PHKB: variants seen among roughly 807,000 people sequenced by gnomAD.
PHKB encodes phosphorylase kinase regulatory subunit beta.
In PHKB, 122 loss-of-function variants were observed where a neutral mutation model predicts 152.1. The ratio of observed to expected loss-of-function variants is 0.80; its 90% CI spans 0.69 to 0.93. The LOEUF (loss-of-function observed/expected upper bound fraction) is 0.93, where lower values mean the gene tolerates loss of function less well. Ranked by LOEUF, PHKB falls within the 40% of genes least tolerant of loss-of-function variation. The probability of loss-of-function intolerance (pLI) is 0.00; values close to 1 mark genes in which losing one functional copy is unlikely to be tolerated. For missense variants in PHKB, 1,304 were observed against 1,328.4 expected, an observed-to-expected ratio of 0.98 and a Z score of 0.29; for synonymous variants, 436 against 464.9, an observed-to-expected ratio of 0.94 and a Z score of 0.80.
At chr16:47,521,565 G>T (rs1362605271) in intron 6 of PHKB, among the ~76,000 whole-genome samples, 2 of 151,984 alleles carry the variant, frequency 1.3e-5, no homozygotes, top group Non-Finnish European at 2.9e-5. Flanking sequence ...TGAAACAGGA[G>T]AATTGCTTGA....
At chr16:47,472,407 T>C (rs1969785633) in intron 1 of PHKB, among the ~76,000 whole-genome samples, 1 of 152,192 alleles carries the variant, frequency 6.6e-6, no homozygotes, top group Non-Finnish European at 1.5e-5. Flanking sequence ...ATCCTAGCAC[T>C]TCAAAAGGCC....
chr16:47,665,150 T>TCGA, intron 25 of PHKB, 175 bp downstream of exon 25: 1 of 613,304 alleles, frequency 1.6e-6, no homozygotes, highest in Non-Finnish European at 2.9e-6. Context: ...CTTTTAGTCA[T>TCGA]CTATGTTGAA....
intron 2 of PHKB, among the ~76,000 whole-genome samples, chr16:47,497,883 A>T (rs929540301): frequency 2.0e-5 from 3 of 152,220 alleles, no homozygotes; most frequent in Non-Finnish European, 4.4e-5. Flanking sequence ...ATTCATTGAG[A>T]TACAAGAGAT....
chr16:47,522,961 A>ATTTT (rs375826369), intron 6 of PHKB, among the ~76,000 whole-genome samples: 4 of 122,474 alleles, frequency 3.3e-5, no homozygotes, highest in Admixed American at 1.6e-4. Context: ...TTTCAAGTCA[A>ATTTT]TTTTTTTTTT....
In PHKB at chr16:47,622,579, G is replaced by C. The variant is rs143964879; in HGVS notation, c.1458+11659G>C. Reference sequence around the variant, plus strand: ...TATGATAGAGCAGATCATGTGTATTGACACACCCTTGAGAGAATTCAGTTT... The same window carrying C: ...TATGATAGAGCAGATCATGTGTATTCACACACCCTTGAGAGAATTCAGTTT... On this transcript the variant is annotated intron_variant, in intron 14 of 30. Coordinates refer to ENST00000323584, the MANE Select transcript of PHKB (RefSeq NM_000293.3). Among the ~76,000 whole-genome samples the C allele has an allele frequency of 1.1e-4, 16 of 152,264 alleles. No individual in the cohort carries two copies. The East Asian group carries it at 3.1e-3, about 29-fold the overall frequency.
At chr16:47,679,240 C>G (rs1973799362) in intron 26 of PHKB, among the ~76,000 whole-genome samples, 1 of 152,154 alleles carries the variant, frequency 6.6e-6, no homozygotes, top group Non-Finnish European at 1.5e-5. Flanking sequence ...TTAGGATTGA[C>G]TTGGCGATGC....
At chr16:47,622,128 A>G (rs1972627931) in intron 14 of PHKB, among the ~76,000 whole-genome samples, 1 of 152,214 alleles carries the variant, frequency 6.6e-6, no homozygotes, top group Non-Finnish European at 1.5e-5. Context: ...ATAAAGATAT[A>G]CAAGGATTAT....
chr16:47,661,004 C>G (rs894464379), intron 22 of PHKB, among the ~76,000 whole-genome samples, 185 bp downstream of exon 22: 6 of 152,180 alleles, frequency 3.9e-5, no homozygotes, highest in African/African-American at 1.4e-4. Context: ...GCATGGATAT[C>G]TTTAAAAATG....
intron 1 of PHKB, among the ~76,000 whole-genome samples, chr16:47,467,719 T>C (rs1468174257): frequency 6.6e-6 from 1 of 152,242 alleles, no homozygotes; most frequent in Non-Finnish European, 1.5e-5. Flanking sequence ...AAAATGATGC[T>C]TCACATTTCA....
intron 1 of PHKB, among the ~76,000 whole-genome samples, chr16:47,490,658 G>A (rs956278058): frequency 1.3e-5 from 2 of 152,086 alleles, no homozygotes; most frequent in Non-Finnish European, 2.9e-5. Flanking sequence ...TATGTTAGAG[G>A]ATTAACACAC....
At chr16:47,689,760 G>A (rs1211747494) in intron 27 of PHKB, among the ~76,000 whole-genome samples, 1 of 152,172 alleles carries the variant, frequency 6.6e-6, no homozygotes, top group African/African-American at 2.4e-5. Flanking sequence ...TACCAAAGTG[G>A]TATAGTTATA....
chr16:47,498,352 C>A (rs1970268094), intron 2 of PHKB, among the ~76,000 whole-genome samples: 1 of 152,040 alleles, frequency 6.6e-6, no homozygotes, highest in Non-Finnish European at 1.5e-5. Context: ...ATAATAAATA[C>A]CCTGGTTTTC....
chr16:47,655,379 A>G (rs1278679485), intron 20 of PHKB, among the ~76,000 whole-genome samples: 1 of 152,230 alleles, frequency 6.6e-6, no homozygotes, highest in Non-Finnish European at 1.5e-5. Flanking sequence ...CTTTGGGCAT[A>G]TCATAAGCTA....
chr16:47,567,514 T>G lies in PHKB; in HGVS notation c.711-12781T>G, dbSNP rs551524338. On this transcript the variant is annotated intron_variant, in intron 7 of 30. Transcript: ENST00000323584. Reference sequence around the variant, plus strand: ...TAGTTTGACTTCCTCTTTTTCAATTTACATGCCCTTTATTTCTGTCTTTTG... The same window carrying G: ...TAGTTTGACTTCCTCTTTTTCAATTGACATGCCCTTTATTTCTGTCTTTTG... Among the ~76,000 whole-genome samples, 5 of 152,338 alleles carry G rather than the reference T, an allele frequency of 3.3e-5. No homozygotes were observed. In the South Asian group the frequency reaches 8.3e-4, roughly 25 times the overall value.
At chr16:47,678,328 C>T (rs1246534805) in intron 26 of PHKB, among the ~76,000 whole-genome samples, 1 of 152,142 alleles carries the variant, frequency 6.6e-6, no homozygotes, top group Non-Finnish European at 1.5e-5. Flanking sequence ...AGTTCTAGAT[C>T]CCTGAGGAAT....
At chr16:47,609,649 G>A (rs777314030) in intron 13 of PHKB, among the ~76,000 whole-genome samples, 32 of 151,642 alleles carry the variant, frequency 2.1e-4, no homozygotes, top group Non-Finnish European at 4.3e-4. Context: ...AGTCAGTTTT[G>A]GTAGTTTGTG....
rs555263609 is a variant in PHKB, at chr16:47,648,526, C to A, written c.1609-7C>A. 1.2e-6 allele frequency: 2 copies of A among 1,601,884 alleles called. No homozygotes were observed. The highest frequency in any genetic ancestry group is 1.7e-5 in the Admixed American group (1 of 59,968). On this transcript the variant is annotated splice_polypyrimidine_tract_variant and splice_region_variant and intron_variant, in intron 16 of 30. Coordinates refer to ENST00000323584, the MANE Select transcript of PHKB (RefSeq NM_000293.3). The stretch of plus-strand genomic sequence containing the variant: ...CTGACTCTAATTTACAAACTTGTGT[C>A]TTACAGGCTTATTTGCAGCTGGGTA...
chr16:47,580,045 C>T (rs1413094770), intron 7 of PHKB, among the ~76,000 whole-genome samples: 2 of 151,972 alleles, frequency 1.3e-5, no homozygotes, highest in African/African-American at 2.4e-5. Flanking sequence ...AAACTACTCC[C>T]ATCAATAGTA....
intron 14 of PHKB, among the ~76,000 whole-genome samples, chr16:47,630,342 C>T (rs1474604615): frequency 1.3e-5 from 2 of 151,930 alleles, no homozygotes; most frequent in Non-Finnish European, 2.9e-5. Context: ...ATTAGCCGGG[C>T]ATGGTGGCAC....
Sources: gnomAD v4.1 joint callset for allele counts (sites outside exome capture counted in the v4.1 genomes callset) on GRCh38, gnomAD v4.1.1 for gene constraint, MANE v1.5 for transcripts, NCBI Gene and HGNC (gene_info 2026-07-23, HGNC 2026-07-21) for gene names.